AP1G1: variants seen among roughly 807,000 people sequenced by gnomAD.
AP1G1 encodes AP-1 complex subunit gamma-1.
In AP1G1, 7 loss-of-function variants were observed where a neutral mutation model predicts 108.3. The observed-to-expected ratio is 0.06, with a 90% CI of 0.04 to 0.12. The LOEUF (loss-of-function observed/expected upper bound fraction) is 0.12, where lower values mean the gene tolerates loss of function less well. Among genes scored for constraint, AP1G1 ranks in the 10% least tolerant of loss-of-function variants. AP1G1 has a pLI of 1.00. For missense variants in AP1G1, 756 were observed against 1,010.7 expected, an observed-to-expected ratio of 0.75 and a Z score of 3.42; for synonymous variants, 379 against 353.5, an observed-to-expected ratio of 1.07 and a Z score of -0.81.
intron 19 of AP1G1, among the ~76,000 whole-genome samples, chr16:71,739,662 G>C (rs1050441195): frequency 8.6e-5 from 13 of 151,582 alleles, no homozygotes; most frequent in African/African-American, 3.2e-4. Context: ...TGCAGTGGGA[G>C]GATCACTGGA....
intron 2 of AP1G1, among the ~76,000 whole-genome samples, chr16:71,783,574 T>G (rs1053170127): frequency 3.0e-4 from 45 of 152,264 alleles, no homozygotes; most frequent in Admixed American, 2.6e-4. Flanking sequence ...TGTATAAGAC[T>G]GTACAGAAAA....
At chr16:71,753,526 C>G (rs559034926) in intron 13 of AP1G1, 17 of 295,946 alleles carry the variant, frequency 5.7e-5, no homozygotes, top group South Asian at 4.0e-4. Flanking sequence ...CTATTCCTCA[C>G]GATCTCTGCA....
At chr16:71,790,026 T>C (rs2145526673) in intron 1 of AP1G1, among the ~76,000 whole-genome samples, 1 of 152,104 alleles carries the variant, frequency 6.6e-6, no homozygotes, top group East Asian at 1.9e-4. Flanking sequence ...GTGTATACTT[T>C]GAAAATGTGA....
At chr16:71,801,279 C>CA (rs200168168) in intron 1 of AP1G1, among the ~76,000 whole-genome samples, 4,551 of 136,196 alleles carry the variant, frequency 0.033, 115 homozygotes, top group Middle Eastern at 0.059. Context: ...GACTCCATCT[C>CA]AAAAAAAACA....
chr16:71,741,823 C>G (rs894263469), intron 19 of AP1G1, among the ~76,000 whole-genome samples: 2 of 152,166 alleles, frequency 1.3e-5, no homozygotes, highest in African/African-American at 4.8e-5. Context: ...CATGGAAAAT[C>G]AGAGGCTACT....
chr16:71,806,220 G>C (rs1012489458), intron 1 of AP1G1, among the ~76,000 whole-genome samples: 5 of 152,044 alleles, frequency 3.3e-5, no homozygotes, highest in African/African-American at 1.2e-4. Flanking sequence ...ATCAATGACA[G>C]AGGTCAGACC....
At chr16:71,807,163 C>A (rs2033021625) in intron 1 of AP1G1, among the ~76,000 whole-genome samples, 1 of 148,964 alleles carries the variant, frequency 6.7e-6, no homozygotes, top group African/African-American at 2.4e-5. Context: ...CGGTGGCTCA[C>A]GCCTGTAATC....
In AP1G1 at chr16:71,781,343, TG is replaced by T. The variant is rs541973941; in HGVS notation, c.202-6752del. ...CCAATTTTTTCTTTTGAGAAAATTA[TG>T]AAATATTCCACTCAAAATACATAAA... On this transcript the variant is annotated intron_variant, in intron 2 of 22. Coordinates refer to ENST00000299980, the MANE Select transcript of AP1G1 (RefSeq NM_001128.6). Among the ~76,000 whole-genome samples the T allele has an allele frequency of 5.9e-5, 9 of 152,356 alleles. No homozygotes were observed. In the South Asian group the frequency reaches 1.7e-3, roughly 28 times the overall value.
chr16:71,737,770 C>A (rs557016238), intron 21 of AP1G1, among the ~76,000 whole-genome samples: 12 of 152,400 alleles, frequency 7.9e-5, no homozygotes, highest in Admixed American at 5.2e-4. Flanking sequence ...TGCCATATTT[C>A]ACATGCCACT....
intron 19 of AP1G1, among the ~76,000 whole-genome samples, chr16:71,740,863 T>C (rs75934227): frequency 1.6e-3 from 251 of 152,302 alleles, no homozygotes; most frequent in African/African-American, 5.6e-3. Flanking sequence ...AATATTTTAT[T>C]TTACAAACTA....
At chr16:71,734,046 G>A (rs2045503259) in intron 22 of AP1G1, among the ~76,000 whole-genome samples, 1 of 152,170 alleles carries the variant, frequency 6.6e-6, no homozygotes, top group Non-Finnish European at 1.5e-5. Flanking sequence ...AGTGTTACAA[G>A]AGAAAGAAAG....
chr16:71,750,517 C>G (rs1327706273), intron 13 of AP1G1, 185 bp from the exon 14 acceptor site: 3 of 543,780 alleles, frequency 5.5e-6, no homozygotes, highest in Non-Finnish European at 9.5e-6. Flanking sequence ...CAGGTTCAAG[C>G]GATTCTCATG....
At chr16:71,736,384 CTTTTT>C (rs776717308) in intron 21 of AP1G1, among the ~76,000 whole-genome samples, 1 of 135,140 alleles carries the variant, frequency 7.4e-6, no homozygotes, top group Non-Finnish European at 1.6e-5. Context: ...TAAAATATGA[CTTTTT>C]TTTTTTTTTT....
intron 2 of AP1G1, among the ~76,000 whole-genome samples, chr16:71,778,257 A>T (rs936486796): frequency 2.0e-5 from 3 of 152,246 alleles, no homozygotes; most frequent in African/African-American, 7.2e-5. Flanking sequence ...GACAAATCTA[A>T]GGGAAAATAT....
chr16:71,764,565 A>T, intron 8 of AP1G1, 81 bp downstream of exon 8: 1 of 1,294,052 alleles, frequency 7.7e-7, no homozygotes, highest in Admixed American at 2.6e-5. Context: ...ACACAAATAA[A>T]AACTGCTCCA....
intron 2 of AP1G1, among the ~76,000 whole-genome samples, chr16:71,781,367 A>G (rs1203191884): frequency 6.6e-6 from 1 of 152,198 alleles, no homozygotes; most frequent in Non-Finnish European, 1.5e-5. Flanking sequence ...CAAAATACAT[A>G]AAAATCACGT....
At position 71,732,973 on chromosome 16, in the gene AP1G1, T is replaced by TG. The variant is rs1426156228; in HGVS notation, c.*84dup. 33 of 1,061,458 alleles carry TG rather than the reference T, an allele frequency of 3.1e-5. No individual in the cohort carries two copies. The highest frequency in any genetic ancestry group is 5.7e-5 in the South Asian group (4 of 70,384). The allele number at this position is 1,061,458 out of a possible 1,614,324, so 65.8% of individuals were successfully genotyped here. A position where few individuals can be genotyped will look rare whatever the true frequency, so the allele number is the denominator to read the frequency against. ...CAGCTCCTCATGCCCGTGGTACAGT[T>TG]GGGGGGGACTTGCCAGCAATCACAA... is the stretch of plus-strand genomic sequence containing the variant. On this transcript the variant is annotated 3_prime_UTR_variant, in exon 23 of 23. Coordinates refer to ENST00000299980, the MANE Select transcript of AP1G1 (RefSeq NM_001128.6).
chr16:71,766,328 TA>T (rs2031311374), intron 6 of AP1G1: 1 of 377,350 alleles, frequency 2.7e-6, no homozygotes, highest in Non-Finnish European at 5.5e-6. Context: ...ACATTCCTTA[TA>T]ATCAGGAATT....
intron 1 of AP1G1, among the ~76,000 whole-genome samples, chr16:71,800,016 T>A (rs1396837522): frequency 2.1e-5 from 3 of 145,926 alleles, no homozygotes; most frequent in Non-Finnish European, 4.5e-5. Flanking sequence ...AGCCCAGGAG[T>A]TCGAGATCAG....
Sources: gnomAD v4.1 joint callset for allele counts (sites outside exome capture counted in the v4.1 genomes callset) on GRCh38, gnomAD v4.1.1 for gene constraint, MANE v1.5 for transcripts, NCBI Gene and HGNC (gene_info 2026-07-23, HGNC 2026-07-21) for gene names.